NT5DC3: variants seen among roughly 807,000 people sequenced by gnomAD.
NT5DC3 encodes 5'-nucleotidase domain containing 3.
Under a neutral mutation model 67.8 loss-of-function variants are expected in NT5DC3, and 42 were observed. That is an observed-to-expected ratio of 0.62 (90% CI 0.48 to 0.80). The LOEUF (loss-of-function observed/expected upper bound fraction) is 0.80. Among genes scored for constraint, NT5DC3 ranks in the 30% least tolerant of loss-of-function variants. NT5DC3 has a pLI of 0.00. For synonymous variants in NT5DC3, 237 were observed against 255.6 expected (o/e 0.93, Z 0.69); for missense variants, 570 against 696.4 (o/e 0.82, Z 2.04).
Position 103,793,478 on chromosome 12 carries a change from T to C in NT5DC3, c.849A>G (p.Ala283=). 1 of 1,614,138 alleles carries C rather than the reference T, an allele frequency of 6.2e-7. No individual in the cohort carries two copies. Among genetic ancestry groups the C allele is most frequent in the Non-Finnish European group, 8.5e-7 (1 of 1,179,978 alleles). ...CATGATCAGCCAGTTTGGCCAACAC[T>C]GCGCGGGTCTGCTCAGCATAGCAGA... ...KYICYAEQTR[A]VLAKLADHGK... The change falls in exon 8 of 14, where the codon GCA becomes GCG. Residue 283 remains alanine, a synonymous_variant. Transcript: ENST00000392876.
At chr12:103,766,032 A>G (rs914949180), downstream of NT5DC3, 1 of 643,408 alleles carries the variant, frequency 1.6e-6, no homozygotes. Context: ...TTTGTAGATG[A>G]AGAAACTGCA....
At chr12:103,765,842 GA>G (rs1236156338), downstream of NT5DC3, among the ~76,000 whole-genome samples, 1 of 152,120 alleles carries the variant, frequency 6.6e-6, no homozygotes, top group Non-Finnish European at 1.5e-5. Flanking sequence ...ATGCCCGGCT[GA>G]GCGGGGTTTC....
chr12:103,762,538 A>AC, the NT5DC3 span: 6 of 1,338,204 alleles, frequency 4.5e-6, no homozygotes, highest in South Asian at 8.1e-5. Flanking sequence ...AGGGGCGGCC[A>AC]CCCACCCCAC....
chr12:103,750,666 C>T, the NT5DC3 span: 8 of 1,614,258 alleles, frequency 5.0e-6, no homozygotes, highest in Non-Finnish European at 5.9e-6. Flanking sequence ...CCGCTGCTTA[C>T]AGGACAATGG....
At chr12:103,831,824 G>C in intron 1 of NT5DC3, among the ~76,000 whole-genome samples, 1 of 145,756 alleles carries the variant, frequency 6.9e-6, no homozygotes, top group Admixed American at 7.0e-5. Context: ...CACTCAGGCT[G>C]GAGTACAGCG....
At chr12:103,751,775 G>A in the NT5DC3 span, among the ~76,000 whole-genome samples, 2 of 152,186 alleles carry the variant, frequency 1.3e-5, no homozygotes, top group Non-Finnish European at 2.9e-5. Context: ...AGACCATAGA[G>A]TGTGGTCCAG....
intron 4 of NT5DC3, among the ~76,000 whole-genome samples, chr12:103,799,455 G>A (rs559364711): frequency 1.3e-5 from 2 of 152,180 alleles, no homozygotes; most frequent in Admixed American, 1.3e-4. Flanking sequence ...CTTTCACTTG[G>A]CTCTCATACT....
rs536193895 is a variant in NT5DC3, at chr12:103,806,880, C to T, written c.443G>A (p.Arg148His). ...CCGCTGTACATCATAATGAAGTCCA[C>T]GAATTGCAAAATTTGGGTCATACTC... ...KYEYDPNFAIRGLHYDVQRAV... is the reference protein window; with the variant it reads ...KYEYDPNFAIHGLHYDVQRAV... Residue 148 changes from arginine (R) to histidine (H), a missense_variant, in exon 3 of 14, where the codon CGT becomes CAT. Physicochemically the swap from Arg to His is conservative, Grantham distance 29 (BLOSUM62 0). This residue lies in a region of NT5DC3 where 466 missense variants were observed against 608.0 expected (regional missense o/e 0.77). Coordinates refer to ENST00000392876, the MANE Select transcript of NT5DC3 (RefSeq NM_001031701.3). 4.4e-6 allele frequency: 7 copies of T among 1,607,464 alleles called. No individual in the cohort carries two copies. Among genetic ancestry groups the T allele is most frequent in the Admixed American group, 1.7e-5 (1 of 60,006 alleles).
At chr12:103,749,872 A>AAAG in the NT5DC3 span, among the ~76,000 whole-genome samples, 2 of 131,480 alleles carry the variant, frequency 1.5e-5, no homozygotes, top group Non-Finnish European at 1.6e-5. Context: ...AAAAAAAAAA[A>AAAG]GCTGGTAAGA....
the NT5DC3 span, among the ~76,000 whole-genome samples, chr12:103,753,756 G>T: frequency 6.6e-6 from 1 of 152,202 alleles, no homozygotes; most frequent in Non-Finnish European, 1.5e-5. Flanking sequence ...TGCCAAGGCA[G>T]AAGTGGAGAC....
At chr12:103,826,777 T>C (rs1278135532) in intron 1 of NT5DC3, among the ~76,000 whole-genome samples, 3 of 152,226 alleles carry the variant, frequency 2.0e-5, no homozygotes, top group African/African-American at 7.2e-5. Context: ...GATACTGCAA[T>C]AGACAGAATC....
chr12:103,801,508 G>A (rs960466881), intron 4 of NT5DC3, among the ~76,000 whole-genome samples: 8 of 147,210 alleles, frequency 5.4e-5, no homozygotes, highest in Admixed American at 1.4e-4. Flanking sequence ...TCAGCCTCCC[G>A]AGTAGCTGGG....
At chr12:103,763,584 A>T in the NT5DC3 span, 1 of 1,614,114 alleles carries the variant, frequency 6.2e-7, no homozygotes, top group Non-Finnish European at 8.5e-7. Context: ...CAGCTCCCCC[A>T]GAACCTTCCT....
At chr12:103,834,705 C>T (rs1448964961) in intron 1 of NT5DC3, among the ~76,000 whole-genome samples, 1 of 152,044 alleles carries the variant, frequency 6.6e-6, no homozygotes, top group Non-Finnish European at 1.5e-5. Context: ...TTTAAAAAAA[C>T]TTTTTAATTA....
chr12:103,777,578 T>G lies in NT5DC3; in HGVS notation c.*251A>C. The G allele has an allele frequency of 1.9e-6, 1 of 519,916 alleles. No individual in the cohort carries two copies. Among genetic ancestry groups the G allele is most frequent in the Non-Finnish European group, 3.4e-6 (1 of 296,860 alleles). 32.2% of individuals were successfully genotyped at this position (519,916 alleles called of 1,614,324 possible). A position where few individuals can be genotyped will look rare whatever the true frequency, so the allele number is the denominator to read the frequency against. The stretch of plus-strand genomic sequence containing the variant: ...GAAACCTGATGTTCCAGGACCTCAG[T>G]AAACAAAAAGGCAAAATCAGAGTTC... On this transcript the variant is annotated 3_prime_UTR_variant, in exon 14 of 14. Transcript: ENST00000392876.
chr12:103,761,302 G>A, the NT5DC3 span: 27 of 1,613,744 alleles, frequency 1.7e-5, no homozygotes, highest in East Asian at 8.9e-5. Context: ...TTCCCTAGAC[G>A]GAGACCAGGT....
intron 3 of NT5DC3, 122 bp downstream of exon 3, chr12:103,806,733 T>C: frequency 3.1e-6 from 2 of 648,388 alleles, no homozygotes. Context: ...ATAAATTTGG[T>C]TCTGCAGTCC....
chr12:103,804,822 C>T (rs946838299), intron 4 of NT5DC3, among the ~76,000 whole-genome samples: 8 of 152,302 alleles, frequency 5.3e-5, no homozygotes, highest in African/African-American at 1.4e-4. Context: ...GAGACTGAGG[C>T]GGGCAGATCA....
At chr12:103,799,470 T>TAG (rs1246433080) in intron 4 of NT5DC3, among the ~76,000 whole-genome samples, 1 of 152,188 alleles carries the variant, frequency 6.6e-6, no homozygotes, top group East Asian at 1.9e-4. Context: ...CATACTCTCT[T>TAG]GCCTGCCACC....
Sources: allele counts gnomAD v4.1 joint callset (sites outside exome capture counted in the v4.1 genomes callset), GRCh38; gene constraint gnomAD v4.1.1; regional missense constraint gnomAD v4.1.1; transcripts MANE v1.5; gene names NCBI Gene and HGNC (gene_info 2026-07-23, HGNC 2026-07-21).